The following EED variants were observed in gnomAD, a reference collection of about 807,000 sequenced individuals.
EED encodes polycomb protein EED.
A neutral mutation model predicts 61.0 loss-of-function variants in EED; 9 were observed. The observed-to-expected ratio is 0.15, with a 90% confidence interval of 0.09 to 0.26. The LOEUF is 0.26. Among genes scored for constraint, EED ranks in the 10% least tolerant of loss-of-function variants. The pLI is 1.00. For missense variants in EED, 315 were observed against 542.3 expected, an observed-to-expected ratio of 0.58 and a Z score of 4.16; for synonymous variants, 187 against 174.4, an observed-to-expected ratio of 1.07 and a Z score of -0.57.
At chr11:86,282,106 C>T (rs550451572), downstream of EED, among the ~76,000 whole-genome samples, 8 of 152,258 alleles carry the variant, frequency 5.3e-5, no homozygotes, top group African/African-American at 1.4e-4. Flanking sequence ...CAGATTGTTT[C>T]GAAGCACATC....
intron 9 of EED, among the ~76,000 whole-genome samples, chr11:86,273,617 T>C (rs1946166144): frequency 6.6e-6 from 1 of 152,254 alleles, no homozygotes; most frequent in Admixed American, 6.5e-5. Context: ...AGTTTTTCTT[T>C]ATCAGAGCAT....
rs374042174 is a variant in EED at position 86,266,289 on chromosome 11, T to G, written c.860+73T>G. ...TATAAGTTTTATTTTTTCCCAAAAT[T>G]GCTATATAAGCCCCAACAATGAGTT... On this transcript the variant is annotated intron_variant, in intron 8 of 11. Coordinates refer to ENST00000263360, the MANE Select transcript of EED (RefSeq NM_003797.5). 25 of 1,344,012 alleles carry G rather than the reference T, an allele frequency of 1.9e-5. No homozygotes were observed. In the African/African-American group the frequency reaches 2.4e-4, roughly 13 times the overall value. The allele number at this position is 1,344,012 out of a possible 1,614,324, so 83.3% of individuals were successfully genotyped here.
At chr11:86,285,682 C>A in the EED span, among the ~76,000 whole-genome samples, 9 of 152,174 alleles carry the variant, frequency 5.9e-5, no homozygotes, top group South Asian at 2.1e-4. Context: ...ACTGCAACTT[C>A]CGCCTCCCAG....
At chr11:86,254,160 A>G (rs1206593303) in intron 3 of EED, among the ~76,000 whole-genome samples, 1 of 151,780 alleles carries the variant, frequency 6.6e-6, no homozygotes, top group African/African-American at 2.4e-5. Context: ...GTATGCAACA[A>G]ATGAAAAAGG....
chr11:86,266,819 T>C (rs1258428568), intron 8 of EED, among the ~76,000 whole-genome samples: 6 of 152,184 alleles, frequency 3.9e-5, no homozygotes, highest in African/African-American at 1.4e-4. Context: ...TAGAATCTTA[T>C]CAGGCTGTCA....
intron 1 of EED, among the ~76,000 whole-genome samples, chr11:86,248,924 A>C (rs1945458451): frequency 6.6e-6 from 1 of 152,194 alleles, no homozygotes; most frequent in African/African-American, 2.4e-5. Context: ...GGTGGGGGGA[A>C]GATCACTTGA....
In EED at chr11:86,245,105, G is replaced by A. The variant is rs372728427; in HGVS notation, c.-125G>A. The A allele has an allele frequency of 1.5e-5, 10 of 678,370 alleles. No individual in the cohort carries two copies. The highest frequency in any genetic ancestry group is 7.7e-5 in the African/African-American group (4 of 52,026). The allele number at this position is 678,370 out of a possible 1,614,324, so 42.0% of individuals were successfully genotyped here. ...CGGCTGGGCGCGATTTGCGACAGTGGGGGGGGCGGTGGAGGTGGCGGCGGC... is the reference window on the plus strand; with the variant it reads ...CGGCTGGGCGCGATTTGCGACAGTGAGGGGGGCGGTGGAGGTGGCGGCGGC... On this transcript the variant is annotated 5_prime_UTR_variant, in exon 1 of 12. Transcript: ENST00000263360.
intron 9 of EED, 94 bp downstream of exon 9, chr11:86,268,655 G>C (rs1459897049): frequency 1.3e-6 from 1 of 764,332 alleles, no homozygotes; most frequent in Admixed American, 3.0e-5. Context: ...GAACTTGGCA[G>C]GGAGCACTTT....
chr11:86,279,825 G>T (rs867708620), downstream of EED, among the ~76,000 whole-genome samples: 1 of 152,076 alleles, frequency 6.6e-6, no homozygotes, highest in Non-Finnish European at 1.5e-5. Flanking sequence ...TACTGTCTTG[G>T]TCCAATGAAC....
At chr11:86,256,271 G>A (rs1471972588) in intron 4 of EED, 116 bp from the exon 5 acceptor site, 1 of 1,018,844 alleles carries the variant, frequency 9.8e-7, no homozygotes, top group Non-Finnish European at 1.3e-6. Flanking sequence ...GTTGTATAAG[G>A]AAAATTGAGA....
At chr11:86,263,884 G>T (rs1375690297) in intron 6 of EED, 1 of 316,444 alleles carries the variant, frequency 3.2e-6, no homozygotes, top group Non-Finnish European at 5.9e-6. Flanking sequence ...TGAGGATGGA[G>T]CCCCCATGAC....
intron 6 of EED, chr11:86,263,937 T>G: frequency 1.5e-5 from 7 of 478,504 alleles, no homozygotes; most frequent in Admixed American, 3.5e-5. Flanking sequence ...CACTATTGCA[T>G]TGGGGATTGA....
intron 9 of EED, among the ~76,000 whole-genome samples, chr11:86,274,801 G>A (rs751899725): frequency 5.9e-5 from 9 of 152,182 alleles, no homozygotes; most frequent in African/African-American, 9.7e-5. Context: ...ACCCTAGCCC[G>A]AGAGGAGGCG....
chr11:86,255,844 G>A (rs1945656342), intron 4 of EED, among the ~76,000 whole-genome samples: 1 of 152,168 alleles, frequency 6.6e-6, no homozygotes, highest in Admixed American at 6.5e-5. Context: ...TAAAAGCTAA[G>A]TAATAAGATA....
At chr11:86,282,269 TA>T (rs1946333512), downstream of EED, among the ~76,000 whole-genome samples, 2 of 152,238 alleles carry the variant, frequency 1.3e-5, no homozygotes, top group Non-Finnish European at 2.9e-5. Context: ...AAACTACCTT[TA>T]ATTTTTGTAC....
intron 6 of EED, among the ~76,000 whole-genome samples, chr11:86,262,678 T>G (rs1413548526): frequency 6.6e-6 from 1 of 151,822 alleles, no homozygotes; most frequent in East Asian, 1.9e-4. Context: ...ACCCCGCTAG[T>G]TTTTGTATTT....
intron 6 of EED, among the ~76,000 whole-genome samples, chr11:86,259,895 T>G (rs954877382): frequency 1.3e-5 from 2 of 152,224 alleles, no homozygotes; most frequent in African/African-American, 4.8e-5. Context: ...TCTCAGACAC[T>G]GCTGGTGGGA....
chr11:86,257,415 C>G (rs1270402620), intron 5 of EED, 100 bp from the exon 6 acceptor site: 1 of 726,780 alleles, frequency 1.4e-6, no homozygotes, highest in African/African-American at 1.9e-5. Flanking sequence ...TTGAGAACCA[C>G]TACTTTAAGT....
chr11:86,264,774 T>C (rs1375501013), intron 7 of EED: 1 of 152,322 alleles, frequency 6.6e-6, no homozygotes, highest in Non-Finnish European at 1.5e-5. Flanking sequence ...TTTATATTGA[T>C]GTATTGTAAT....
Sources: gnomAD v4.1 joint callset for allele counts (sites outside exome capture counted in the v4.1 genomes callset) on GRCh38, gnomAD v4.1.1 for gene constraint, MANE v1.5 for transcripts, NCBI Gene and HGNC (gene_info 2026-07-23, HGNC 2026-07-21) for gene names.